Variants in UGDH observed in about 807,000 individuals in gnomAD.
The protein encoded by UGDH is UDP-Glc dehydrogenase.
In UGDH, 38 loss-of-function variants were observed where a neutral mutation model predicts 50.6. The observed-to-expected ratio is 0.75, with a 90% CI of 0.58 to 0.98. The LOEUF is 0.98. Among genes scored for constraint, UGDH ranks in the 50% least tolerant of loss-of-function variants. The probability of loss-of-function intolerance (pLI) is 0.00; values close to 1 mark genes in which losing one functional copy is unlikely to be tolerated. For missense variants in UGDH, 465 were observed against 606.2 expected (o/e 0.77, Z 2.45); for synonymous variants, 168 against 199.9 (o/e 0.84, Z 1.35).
At chr4:39,523,272 G>A (rs1578284122) in intron 1 of UGDH, among the ~76,000 whole-genome samples, 2 of 151,402 alleles carry the variant, frequency 1.3e-5, no homozygotes, top group South Asian at 2.1e-4. Flanking sequence ...GGCTGGTCTC[G>A]AACTCCTGAG....
chr4:39,525,501 C>CTT (rs137989200), intron 1 of UGDH, among the ~76,000 whole-genome samples: 23 of 148,296 alleles, frequency 1.6e-4, no homozygotes, highest in African/African-American at 5.7e-4. Context: ...GCCCCATTTT[C>CTT]TTTTCTTTTT....
intron 7 of UGDH, among the ~76,000 whole-genome samples, chr4:39,506,579 C>T (rs1027805013): frequency 6.6e-6 from 1 of 152,146 alleles, no homozygotes; most frequent in Non-Finnish European, 1.5e-5. Flanking sequence ...ACCATAACAC[C>T]ACAACTATTT....
At chr4:39,504,571 T>G (rs549862065) in intron 9 of UGDH, 63 bp from the exon 10 acceptor site, 1 of 1,401,642 alleles carries the variant, frequency 7.1e-7, no homozygotes, top group South Asian at 1.2e-5. Flanking sequence ...ATTACAGTAG[T>G]TCCCCCCTTA....
intron 2 of UGDH, among the ~76,000 whole-genome samples, chr4:39,517,153 GA>G (rs1281660236): frequency 6.7e-6 from 1 of 149,208 alleles, no homozygotes; most frequent in Non-Finnish European, 1.5e-5. Context: ...ATTTTACCCA[GA>G]AAAAAAGCAA....
At chr4:39,522,997 G>A (rs1018343699) in intron 1 of UGDH, among the ~76,000 whole-genome samples, 3 of 151,906 alleles carry the variant, frequency 2.0e-5, no homozygotes, top group East Asian at 1.9e-4. Flanking sequence ...TCTTGACCTC[G>A]TGATCCACCC....
Position 39,500,190 on chromosome 4 carries a change from G to A in UGDH, c.1438C>T (p.Pro480Ser), listed in dbSNP as rs775554067. The A allele has an allele frequency of 2.5e-6, 4 of 1,604,934 alleles. No homozygotes were observed. The highest frequency in any genetic ancestry group is 3.3e-5 in the Admixed American group (2 of 59,752). ...GGTGGATCTTGAAGACTAAACTTCG[G>A]AATTTCACCAGAAGGAGCATATGGA... Reference protein sequence around the residue: ...RIPYAPSGEIPKFSLQDPPNK... With the variant: ...RIPYAPSGEISKFSLQDPPNK... The change falls in exon 12 of 12, where the codon CCG becomes TCG. Residue 480 changes from proline to serine, a missense_variant. Coordinates refer to ENST00000316423, the MANE Select transcript of UGDH (RefSeq NM_003359.4).
chr4:39,516,322 A>T (rs1746442146), intron 2 of UGDH, among the ~76,000 whole-genome samples: 1 of 152,196 alleles, frequency 6.6e-6, no homozygotes. Flanking sequence ...TACATGATAA[A>T]GTATTTATGG....
intron 7 of UGDH, among the ~76,000 whole-genome samples, chr4:39,507,092 T>G (rs1408083403): frequency 6.6e-6 from 1 of 152,184 alleles, no homozygotes; most frequent in Non-Finnish European, 1.5e-5. Flanking sequence ...GGGAAAATAT[T>G]TGGGAAAGGC....
At chr4:39,522,764 CTT>C (rs5857683) in intron 1 of UGDH, among the ~76,000 whole-genome samples, 132 of 133,662 alleles carry the variant, frequency 9.9e-4, no homozygotes, top group African/African-American at 2.8e-3. Context: ...TCCCTCATGA[CTT>C]TTTTTTTTTT....
At chr4:39,504,113 C>T in intron 10 of UGDH, 128 bp from the exon 11 acceptor site, 4 of 733,384 alleles carry the variant, frequency 5.5e-6, no homozygotes, top group South Asian at 1.8e-5. Flanking sequence ...TCGAGACCAT[C>T]CTGGCCAACA....
chr4:39,524,420 G>T (rs962683170), intron 1 of UGDH, among the ~76,000 whole-genome samples: 3 of 152,054 alleles, frequency 2.0e-5, no homozygotes, highest in African/African-American at 4.8e-5. Flanking sequence ...GTCTCTTTTT[G>T]AGATGAAGAC....
At chr4:39,506,359 GT>G (rs1388838579) in intron 7 of UGDH, among the ~76,000 whole-genome samples, 1 of 152,014 alleles carries the variant, frequency 6.6e-6, no homozygotes, top group Non-Finnish European at 1.5e-5. Context: ...CGCATTTGAG[GT>G]TCAGCTATGA....
At position 39,521,364 on chromosome 4, in the gene UGDH, A is replaced by C; in HGVS notation, c.149T>G (p.Leu50Arg). The change falls in exon 2 of 12, where the codon CTT becomes CGT. Residue 50 changes from leucine to arginine, a missense_variant. Physicochemically the swap from Leu to Arg is moderately radical, Grantham distance 102 (BLOSUM62 -2). Coordinates refer to ENST00000316423, the MANE Select transcript of UGDH (RefSeq NM_003359.4). ...TAATATGTTTACCTCATAAATAGGA[A>C]GTGTAGGAGAATTCCACGCATTGAT... ...SRINAWNSPT[L>R]PIYEPGLKEV... The C allele has an allele frequency of 6.2e-7, 1 of 1,603,776 alleles. No individual in the cohort carries two copies. The highest frequency in any genetic ancestry group is 8.5e-7 in the Non-Finnish European group (1 of 1,176,038).
Position 39,504,002 on chromosome 4 carries a change from C to A in UGDH, c.1264-17G>T. On this transcript the variant is annotated splice_polypyrimidine_tract_variant and intron_variant, in intron 10 of 11. Coordinates refer to ENST00000316423, the MANE Select transcript of UGDH (RefSeq NM_003359.4). ...ATCCAATTCCTGTAAAGACAAACCA[C>A]AGGAACAATTAAAACACATACGTGG... 6.2e-7 allele frequency: 1 copy of A among 1,609,342 alleles called. No individual in the cohort carries two copies. Among genetic ancestry groups the A allele is most frequent in the Non-Finnish European group, 8.5e-7 (1 of 1,176,132 alleles).
At chr4:39,511,522 C>CAA (rs774833754) in intron 3 of UGDH, among the ~76,000 whole-genome samples, 5 of 152,092 alleles carry the variant, frequency 3.3e-5, no homozygotes, top group Non-Finnish European at 7.4e-5. Context: ...CTCAGCATCC[C>CAA]AAAGTGCTGG....
chr4:39,520,282 T>C (rs534935252), intron 2 of UGDH, among the ~76,000 whole-genome samples: 127 of 152,278 alleles, frequency 8.3e-4, no homozygotes, highest in Non-Finnish European at 1.4e-3. Flanking sequence ...GGTGTTGCAG[T>C]GAGCTAAGTT....
At chr4:39,517,722 C>A (rs955317357) in intron 2 of UGDH, among the ~76,000 whole-genome samples, 1 of 152,148 alleles carries the variant, frequency 6.6e-6, no homozygotes, top group Non-Finnish European at 1.5e-5. Flanking sequence ...TACCATCATG[C>A]TGAATTCTAT....
Position 39,505,351 on chromosome 4 carries a change from T to TA in UGDH, c.1056dup (p.Ile353TyrfsTer2), listed in dbSNP as rs762181342. On this transcript the variant is annotated frameshift_variant, in exon 9 of 12. Coordinates refer to ENST00000316423, the MANE Select transcript of UGDH (RefSeq NM_003359.4). LOFTEE classifies it high-confidence loss of function. ...CCTTCATCCATCAAATATTTGCTAA[T>TA]ATATATACTAGAAGATTCTCTATAG... 1 of 1,570,658 alleles carries TA rather than the reference T, an allele frequency of 6.4e-7. No individual in the cohort carries two copies. Among genetic ancestry groups the TA allele is most frequent in the Non-Finnish European group, 8.6e-7 (1 of 1,159,356 alleles).
intron 7 of UGDH, among the ~76,000 whole-genome samples, chr4:39,506,052 G>A (rs892346418): frequency 4.6e-5 from 7 of 151,628 alleles, no homozygotes; most frequent in African/African-American, 1.2e-4. Flanking sequence ...GCACCACGGC[G>A]AGACCCTGTC....
Sources: allele counts gnomAD v4.1 joint callset (sites outside exome capture counted in the v4.1 genomes callset), GRCh38; gene constraint gnomAD v4.1.1; transcripts MANE v1.5; gene names NCBI Gene and HGNC (gene_info 2026-07-23, HGNC 2026-07-21).